The following GRAMD1B variants were observed in gnomAD, a reference collection of about 807,000 sequenced individuals.
The protein encoded by GRAMD1B is GRAM domain containing 1B, also known as protein Aster-B.
A neutral mutation model predicts 99.7 loss-of-function variants in GRAMD1B; 37 were observed. The observed-to-expected ratio is 0.37, with a 90% CI of 0.29 to 0.49. The LOEUF is 0.49. Among genes scored for constraint, GRAMD1B ranks in the 20% least tolerant of loss-of-function variants. GRAMD1B has a pLI of 0.98. For synonymous variants in GRAMD1B, 427 were observed against 387.6 expected (o/e 1.10, Z -1.19); for missense variants, 888 against 1,009.2 (o/e 0.88, Z 1.63).
At chr11:123,550,612 G>A (rs1945516420) in intron 2 of GRAMD1B, among the ~76,000 whole-genome samples, 1 of 152,234 alleles carries the variant, frequency 6.6e-6, no homozygotes, top group South Asian at 2.1e-4. Flanking sequence ...CCCAGGGCCA[G>A]TGGCAGGAGG....
At chr11:123,578,404 T>G in intron 3 of GRAMD1B, 20 of 1,529,778 alleles carry the variant, frequency 1.3e-5, no homozygotes, top group Non-Finnish European at 1.8e-5. Flanking sequence ...GCATGCATGG[T>G]CTTAGTCTCA....
chr11:123,599,102 T>C, intron 7 of GRAMD1B: 1 of 888,146 alleles, frequency 1.1e-6, no homozygotes, highest in Non-Finnish European at 1.9e-6. Flanking sequence ...TTGGATTCTC[T>C]CGAGCCTTCA....
intron 2 of GRAMD1B, among the ~76,000 whole-genome samples, chr11:123,556,869 G>A (rs747310725): frequency 3.9e-5 from 6 of 152,168 alleles, no homozygotes; most frequent in Non-Finnish European, 7.3e-5. Flanking sequence ...TTTCAAGAAG[G>A]ACAAGGGCAG....
upstream of GRAMD1B, among the ~76,000 whole-genome samples, chr11:123,428,386 T>C (rs1157120353): frequency 6.6e-6 from 1 of 152,220 alleles, no homozygotes; most frequent in African/African-American, 2.4e-5. Context: ...TTCTGCTTTC[T>C]GTGCTATGTC....
chr11:123,560,183 G>A (rs1159052451), intron 2 of GRAMD1B: 2 of 1,021,476 alleles, frequency 2.0e-6, no homozygotes, highest in East Asian at 9.9e-5. Context: ...ACGTGTGTGC[G>A]TGTGTGCGCG....
At chr11:123,584,494 G>C (rs566191775) in intron 4 of GRAMD1B, among the ~76,000 whole-genome samples, 162 bp downstream of exon 4, 2 of 94,696 alleles carry the variant, frequency 2.1e-5, no homozygotes, top group South Asian at 7.6e-4. Context: ...TTCTTCAGCA[G>C]GACAGGGCAG....
intron 1 of GRAMD1B, among the ~76,000 whole-genome samples, chr11:123,451,276 T>C (rs560310524): frequency 3.3e-5 from 5 of 152,352 alleles, no homozygotes; most frequent in African/African-American, 9.6e-5. Flanking sequence ...GACAAGCGTA[T>C]GGCATGACAA....
rs1289833432 is a variant in GRAMD1B at position 123,623,454 on chromosome 11, T to C, written c.*859T>C. 2.0e-5 allele frequency: 3 copies of C among 152,192 alleles called. No homozygotes were observed. Among genetic ancestry groups the C allele is most frequent in the African/African-American group, 7.2e-5 (3 of 41,430 alleles). The allele number at this position is 152,192 out of a possible 1,614,324, so 9.4% of individuals were successfully genotyped here. ...AGCCAGGGTGGAGCGTTTTCGACCT[T>C]ATTAAACCTCTTTTAGTGCTTCTAA... On this transcript the variant is annotated 3_prime_UTR_variant, in exon 20 of 20. Coordinates refer to ENST00000635736, the MANE Select transcript of GRAMD1B (RefSeq NM_001387025.1).
In GRAMD1B at chr11:123,577,178, G is replaced by T. The variant is rs549873333; in HGVS notation, c.453-189G>T. ...TCCACATGGGCACTGCTGCCCTCCC[G>T]TGGCCAACGGCAGTATTACGGTGCG... On this transcript the variant is annotated intron_variant, in intron 2 of 19. Coordinates refer to ENST00000635736, the MANE Select transcript of GRAMD1B (RefSeq NM_001387025.1). Among the ~76,000 whole-genome samples, 473 of 152,328 alleles carry T rather than the reference G, an allele frequency of 3.1e-3. 5 individuals are homozygous for T. Among genetic ancestry groups the T allele is most frequent in the Admixed American group, 0.013 (194 of 15,310 alleles).
Position 123,467,823 on chromosome 11 carries a change from C to T in GRAMD1B, c.375-12993C>T, listed in dbSNP as rs1224860021. On this transcript the variant is annotated intron_variant, in intron 1 of 19. Transcript: ENST00000635736. ...CTTCTTTTTCTTTCTTTTCTTTTCC[C>T]TCCCTCCCTCCCTCCCTCCCTTCCT... 6.1e-3 allele frequency among the ~76,000 whole-genome samples: 825 copies of T among 135,216 alleles called. 11 individuals are homozygous for T. The highest frequency in any genetic ancestry group is 0.017 in the African/African-American group (625 of 35,832). The allele number at this position is 135,216 out of a possible 152,430, so 88.7% of individuals were successfully genotyped here.
At chr11:123,405,183 CAT>C (rs1192605830) in intron 1 of GRAMD1B, among the ~76,000 whole-genome samples, 7 of 140,020 alleles carry the variant, frequency 5.0e-5, no homozygotes, top group Non-Finnish European at 1.5e-5. Flanking sequence ...ATGTTGTAAT[CAT>C]GTGTGCATGT....
chr11:123,500,226 C>G (rs1939718924), intron 2 of GRAMD1B, among the ~76,000 whole-genome samples: 1 of 152,174 alleles, frequency 6.6e-6, no homozygotes, highest in African/African-American at 2.4e-5. Flanking sequence ...GAGGCTGAGG[C>G]AGGAGAATCG....
chr11:123,442,770 G>GA (rs999848690), intron 1 of GRAMD1B, among the ~76,000 whole-genome samples: 14 of 150,896 alleles, frequency 9.3e-5, no homozygotes, highest in Admixed American at 5.9e-4. Flanking sequence ...TACCATCTCA[G>GA]AAAAAAAAAG....
chr11:123,605,219 A>C (rs1952550814), intron 9 of GRAMD1B, 103 bp from the exon 10 acceptor site: 1 of 750,402 alleles, frequency 1.3e-6, no homozygotes, highest in Non-Finnish European at 2.0e-6. Context: ...AAGAAGCAGG[A>C]AATCTCATAG....
intron 2 of GRAMD1B, among the ~76,000 whole-genome samples, chr11:123,513,387 T>C (rs541457584): frequency 1.3e-5 from 2 of 152,262 alleles, no homozygotes; most frequent in South Asian, 2.1e-4. Context: ...CTACCCTTTT[T>C]TTTTTTAAGG....
intron 14 of GRAMD1B, among the ~76,000 whole-genome samples, chr11:123,611,692 T>A (rs184776929): frequency 1.3e-5 from 2 of 152,312 alleles, no homozygotes; most frequent in East Asian, 3.9e-4. Context: ...CTGGGTGAAC[T>A]TGAACAGACC....
At chr11:123,561,461 T>A (rs574146437) in intron 2 of GRAMD1B, among the ~76,000 whole-genome samples, 1 of 152,396 alleles carries the variant, frequency 6.6e-6, no homozygotes, top group African/African-American at 2.4e-5. Context: ...TTCTTTGGCT[T>A]AGCCAGCATT....
At chr11:123,619,410 G>A (rs1311667856) in intron 19 of GRAMD1B, 186 bp downstream of exon 19, 16 of 1,439,462 alleles carry the variant, frequency 1.1e-5, no homozygotes, top group Middle Eastern at 1.8e-4. Flanking sequence ...AGAAATGCAG[G>A]TGTATTCTAA....
At chr11:123,432,120 C>T (rs1948922303) in intron 1 of GRAMD1B, 1 of 398,580 alleles carries the variant, frequency 2.5e-6, no homozygotes, top group African/African-American at 2.1e-5. Context: ...ACATTGATTT[C>T]AATTCAGTAA....
Sources: allele counts gnomAD v4.1 joint callset (sites outside exome capture counted in the v4.1 genomes callset), GRCh38; gene constraint gnomAD v4.1.1; transcripts MANE v1.5; gene names NCBI Gene and HGNC (gene_info 2026-07-23, HGNC 2026-07-21).